The following ATP8B4 variants were observed in gnomAD, a reference collection of about 807,000 sequenced individuals.
ATP8B4 encodes the protein probable phospholipid-transporting ATPase IM.
In ATP8B4, 133 loss-of-function variants were observed where a neutral mutation model predicts 145.6. The observed-to-expected ratio is 0.91, with a 90% CI of 0.79 to 1.05. The LOEUF (loss-of-function observed/expected upper bound fraction) is 1.05. ATP8B4 is among the 50% of genes least tolerant of loss of function. The pLI, the probability that ATP8B4 is intolerant of heterozygous loss-of-function variation, is 0.00. For missense variants in ATP8B4, 1,458 were observed against 1,425.2 expected, an observed-to-expected ratio of 1.02 and a Z score of -0.37; for synonymous variants, 507 against 492.9, an observed-to-expected ratio of 1.03 and a Z score of -0.38.
In ATP8B4 at chr15:49,980,279, A is replaced by G. The variant is rs1011027778; in HGVS notation, c.838-466T>C. Among the ~76,000 whole-genome samples, 15 of 152,314 alleles carry G rather than the reference A, an allele frequency of 9.8e-5. No homozygotes were observed. In the East Asian group the frequency reaches 2.1e-3, roughly 22 times the overall value. On this transcript the variant is annotated intron_variant, in intron 11 of 27. Coordinates refer to ENST00000284509, the MANE Select transcript of ATP8B4 (RefSeq NM_024837.4). ...ACCTTCTTTCCTTATTCAGAGTCCAATTGTTACATATCAGGTAAGCAAATA... is the reference window on the plus strand; with the variant it reads ...ACCTTCTTTCCTTATTCAGAGTCCAGTTGTTACATATCAGGTAAGCAAATA...
intron 14 of ATP8B4, among the ~76,000 whole-genome samples, chr15:49,955,430 T>C (rs2043472296): frequency 6.6e-6 from 1 of 152,196 alleles, no homozygotes; most frequent in Admixed American, 6.5e-5. Context: ...GCACTGTTCA[T>C]AGAAATGTAA....
chr15:49,989,919 C>G (rs993246644), intron 9 of ATP8B4, among the ~76,000 whole-genome samples: 25 of 152,154 alleles, frequency 1.6e-4, no homozygotes, highest in Middle Eastern at 3.2e-3. Flanking sequence ...ACCTATTATA[C>G]TATCTACATA....
At chr15:50,091,458 ACT>A (rs2055606288) in intron 2 of ATP8B4, among the ~76,000 whole-genome samples, 2 of 152,218 alleles carry the variant, frequency 1.3e-5, no homozygotes, top group South Asian at 4.1e-4. Flanking sequence ...TAGATTGTAT[ACT>A]TGGAAATCAT....
At chr15:50,156,327 A>C (rs987500656) in intron 1 of ATP8B4, among the ~76,000 whole-genome samples, 1 of 151,758 alleles carries the variant, frequency 6.6e-6, no homozygotes, top group Non-Finnish European at 1.5e-5. Flanking sequence ...ACATTTATCT[A>C]GGCTTCTTTT....
At chr15:50,143,425 G>A (rs2044237953) in intron 1 of ATP8B4, among the ~76,000 whole-genome samples, 1 of 152,232 alleles carries the variant, frequency 6.6e-6, no homozygotes, top group Admixed American at 6.5e-5. Context: ...TCTCCAAGTA[G>A]ATCTCTCCAT....
At chr15:49,942,620 A>C (rs2042247811) in intron 14 of ATP8B4, among the ~76,000 whole-genome samples, 1 of 151,944 alleles carries the variant, frequency 6.6e-6, no homozygotes, top group Non-Finnish European at 1.5e-5. Flanking sequence ...TCATTTAAAA[A>C]AAAAGTCATT....
chr15:50,132,798 A>C (rs1187458046), intron 1 of ATP8B4, among the ~76,000 whole-genome samples: 1 of 152,238 alleles, frequency 6.6e-6, no homozygotes, highest in East Asian at 1.9e-4. Context: ...GGATGAGTTC[A>C]TGTCCTTTGC....
intron 25 of ATP8B4, among the ~76,000 whole-genome samples, chr15:49,869,921 A>G (rs2033418400): frequency 1.3e-5 from 2 of 152,190 alleles, no homozygotes; most frequent in African/African-American, 2.4e-5. Context: ...TTAAATGTAC[A>G]TACTCTCTGA....
intron 2 of ATP8B4, among the ~76,000 whole-genome samples, chr15:50,094,938 C>A (rs1416014125): frequency 2.6e-5 from 4 of 152,068 alleles, no homozygotes; most frequent in African/African-American, 7.2e-5. Context: ...TCAGCAGAAT[C>A]TGGTACCACT....
chr15:50,081,154 G>A (rs2054533344), intron 2 of ATP8B4, among the ~76,000 whole-genome samples: 1 of 149,604 alleles, frequency 6.7e-6, no homozygotes. Flanking sequence ...AGAAAAAGAC[G>A]CTTGGACCTT....
At position 50,085,876 on chromosome 15, in the gene ATP8B4, T is replaced by TC. The variant is rs370026746; in HGVS notation, c.29-11692_29-11691insG. On this transcript the variant is annotated intron_variant, in intron 2 of 27. Coordinates refer to ENST00000284509, the MANE Select transcript of ATP8B4 (RefSeq NM_024837.4). ...ATATATAATAAACGTATCATATATA[T>TC]TTATATATTTATATATGATATATAT... 3.5e-3 allele frequency among the ~76,000 whole-genome samples: 112 copies of TC among 32,010 alleles called. 1 individual carries two copies. Among genetic ancestry groups the TC allele is most frequent in the African/African-American group, 0.017 (94 of 5,580 alleles). 21.0% of individuals were successfully genotyped at this position (32,010 alleles called of 152,430 possible). A position where few individuals can be genotyped will look rare whatever the true frequency, so the allele number is the denominator to read the frequency against.
At chr15:50,130,117 T>C (rs9302152) in intron 1 of ATP8B4, among the ~76,000 whole-genome samples, 150,428 of 152,260 alleles carry the variant, frequency 0.99, 74,332 homozygotes, top group East Asian at 1. Flanking sequence ...ACAGCCTGCA[T>C]AGATGCCCTT....
chr15:50,071,591 G>T (rs1240417554), intron 3 of ATP8B4, among the ~76,000 whole-genome samples: 1 of 152,194 alleles, frequency 6.6e-6, no homozygotes, highest in African/African-American at 2.4e-5. Context: ...TTTGGGACTT[G>T]ATGGTCAAGC....
intron 1 of ATP8B4, among the ~76,000 whole-genome samples, chr15:50,110,235 C>T (rs2056873400): frequency 6.6e-6 from 1 of 152,080 alleles, no homozygotes; most frequent in Non-Finnish European, 1.5e-5. Flanking sequence ...CATAAAGTAA[C>T]ATCGAAAAAA....
chr15:50,068,459 A>G (rs2053526496), intron 3 of ATP8B4, among the ~76,000 whole-genome samples: 1 of 152,224 alleles, frequency 6.6e-6, no homozygotes, highest in Non-Finnish European at 1.5e-5. Context: ...AAACTACAGC[A>G]TTAGAATCAT....
At chr15:50,068,506 A>G (rs2053529456) in intron 3 of ATP8B4, among the ~76,000 whole-genome samples, 1 of 152,192 alleles carries the variant, frequency 6.6e-6, no homozygotes, top group Non-Finnish European at 1.5e-5. Context: ...TAAGCATGTA[A>G]AACTACTGGT....
chr15:49,867,725 A>G (rs534115012), intron 25 of ATP8B4, among the ~76,000 whole-genome samples: 2 of 152,348 alleles, frequency 1.3e-5, no homozygotes, highest in South Asian at 4.1e-4. Flanking sequence ...AACTAATAGA[A>G]GAGACAGACA....
chr15:50,038,007 C>T (rs1388668421), intron 6 of ATP8B4, among the ~76,000 whole-genome samples: 4 of 152,074 alleles, frequency 2.6e-5, no homozygotes, highest in Admixed American at 6.5e-5. Flanking sequence ...ACATTCTTCA[C>T]GGTATCCAAA....
chr15:50,055,818 C>T lies in ATP8B4; in HGVS notation c.88-8354G>A, dbSNP rs16963286. ...GGAAGTAGCCAAAAGGCATTTGTAC[C>T]GCTCAGAAAATATGTGAATTACCCA... On this transcript the variant is annotated intron_variant, in intron 3 of 27. Transcript: ENST00000284509. Among the ~76,000 whole-genome samples, 218 of 152,196 alleles carry T rather than the reference C, an allele frequency of 1.4e-3. 3 individuals are homozygous for T. In the East Asian group the frequency reaches 0.034, roughly 24 times the overall value.
Sources: allele counts gnomAD v4.1 joint callset (sites outside exome capture counted in the v4.1 genomes callset), GRCh38; gene constraint gnomAD v4.1.1; transcripts MANE v1.5; gene names NCBI Gene and HGNC (gene_info 2026-07-23, HGNC 2026-07-21).